The following SASH1 variants were observed in gnomAD, a reference collection of about 807,000 sequenced individuals.
The protein encoded by SASH1 is SAM and SH3 domain-containing protein 1.
A neutral mutation model predicts 125.2 loss-of-function variants in SASH1; 44 were observed. The ratio of observed to expected loss-of-function variants is 0.35; its 90% CI spans 0.28 to 0.45. The LOEUF is 0.45. Among genes scored for constraint, SASH1 ranks in the 20% least tolerant of loss-of-function variants. The pLI, the probability that SASH1 is intolerant of heterozygous loss-of-function variation, is 1.00. For missense variants in SASH1, 1,426 were observed against 1,614.5 expected (o/e 0.88, Z 2.00); for synonymous variants, 639 against 649.1 (o/e 0.98, Z 0.24).
intron 8 of SASH1, among the ~76,000 whole-genome samples, chr6:148,492,159 T>C (rs1397251837): frequency 6.6e-6 from 1 of 152,192 alleles, no homozygotes; most frequent in Non-Finnish European, 1.5e-5. Flanking sequence ...AACAGGACTG[T>C]AGTAAAACCT....
chr6:148,425,718 C>CCCCT (rs1775787124), intron 2 of SASH1, among the ~76,000 whole-genome samples: 1 of 118,706 alleles, frequency 8.4e-6, no homozygotes, highest in Non-Finnish European at 1.9e-5. Flanking sequence ...TCCCATCCCC[C>CCCCT]TCTCCCTTCC....
rs1455416771 is a variant in SASH1, at chr6:148,343,125, G to T, written c.58G>T (p.Glu20Ter). 2 of 1,594,186 alleles carry T rather than the reference G, an allele frequency of 1.3e-6. No homozygotes were observed. Among genetic ancestry groups the T allele is most frequent in the Admixed American group, 1.7e-5 (1 of 59,432 alleles). Residue 20 changes from glutamate (E) to a stop codon, truncating the protein, a stop_gained, in exon 1 of 20, where the codon GAG becomes TAG. Transcript: ENST00000367467. LOFTEE classifies it high-confidence loss of function. ...GGAGCCTGAGCCCGAGCCCGAGCCG[G>T]AGCCCGAGCCCGCGCCGGAGCCGGA... ...GPEPEPEPEP[E>*]PEPAPEPEPE...
chr6:148,219,624 C>T, the SASH1 span, among the ~76,000 whole-genome samples: 3 of 152,216 alleles, frequency 2.0e-5, no homozygotes, highest in Non-Finnish European at 4.4e-5. Flanking sequence ...AGGGGACCCT[C>T]CTCTGGCCTT....
intron 2 of SASH1, among the ~76,000 whole-genome samples, chr6:148,415,879 G>A (rs918860320): frequency 6.6e-6 from 1 of 152,232 alleles, no homozygotes; most frequent in South Asian, 2.1e-4. Flanking sequence ...GCAAGAGGAA[G>A]CTCTTTTAAA....
intron 1 of SASH1, among the ~76,000 whole-genome samples, chr6:148,287,969 G>T (rs748878304): frequency 1.8e-4 from 27 of 152,186 alleles, no homozygotes; most frequent in Non-Finnish European, 3.5e-4. Flanking sequence ...TGTAAGAAAT[G>T]CTCACATCTG....
intron 2 of SASH1, among the ~76,000 whole-genome samples, chr6:148,415,074 G>C (rs1360246305): frequency 6.6e-6 from 1 of 152,170 alleles, no homozygotes; most frequent in African/African-American, 2.4e-5. Context: ...CGACTTCACA[G>C]AGTGCACAGT....
the SASH1 span, among the ~76,000 whole-genome samples, chr6:148,243,433 A>G: frequency 1.4e-5 from 2 of 146,506 alleles, no homozygotes; most frequent in African/African-American, 2.5e-5. Flanking sequence ...CTGGGCAACA[A>G]GAGCAAAATT....
chr6:148,514,360 G>C lies in SASH1; in HGVS notation c.766G>C (p.Val256Leu), dbSNP rs765513598. The C allele has an allele frequency of 3.9e-5, 62 of 1,603,642 alleles. No individual in the cohort carries two copies. Among genetic ancestry groups the C allele is most frequent in the Non-Finnish European group, 5.0e-5 (59 of 1,174,252 alleles). ...ATCGGATGATGAGACTGAGGAGTCG[G>C]TGAAGTTTAAGAGGTTACACAAGCT... Reference protein sequence around the residue: ...EQSDDETEESVKFKRLHKLVN... With the variant: ...EQSDDETEESLKFKRLHKLVN... Residue 256 changes from valine (V) to leucine (L), a missense_variant, in exon 9 of 20, where the codon GTG becomes CTG. Coordinates refer to ENST00000367467, the MANE Select transcript of SASH1 (RefSeq NM_015278.5).
chr6:148,471,885 C>G (rs1018948333), intron 6 of SASH1, among the ~76,000 whole-genome samples: 2 of 152,200 alleles, frequency 1.3e-5, no homozygotes, highest in Non-Finnish European at 2.9e-5. Flanking sequence ...CGCGTTCCCA[C>G]TGAGATCCTT....
intron 2 of SASH1, among the ~76,000 whole-genome samples, chr6:148,425,684 C>T (rs953236033): frequency 3.0e-5 from 4 of 132,522 alleles, no homozygotes; most frequent in African/African-American, 8.5e-5. Context: ...TCTCTTTCCC[C>T]TCCCCTCCCC....
chr6:148,485,315 A>G (rs1462406838), intron 7 of SASH1, among the ~76,000 whole-genome samples: 1 of 152,224 alleles, frequency 6.6e-6, no homozygotes, highest in East Asian at 1.9e-4. Flanking sequence ...CCTAGTGTAT[A>G]ACATAATGTA....
chr6:148,410,331 G>A (rs9322148), intron 2 of SASH1, among the ~76,000 whole-genome samples: 17,003 of 151,618 alleles, frequency 0.11, 1,179 homozygotes, highest in Admixed American at 0.21. Context: ...GGCTGGTCTC[G>A]AACCCCTGAC....
chr6:148,368,760 G>GCA (rs1391322609), intron 1 of SASH1, among the ~76,000 whole-genome samples: 1 of 14,930 alleles, frequency 6.7e-5, no homozygotes, highest in African/African-American at 2.1e-4. Context: ...ACATGCGCGC[G>GCA]CACGCGCGCG....
chr6:148,461,387 G>A (rs989438952), intron 4 of SASH1, among the ~76,000 whole-genome samples: 4 of 152,198 alleles, frequency 2.6e-5, no homozygotes, highest in African/African-American at 9.7e-5. Flanking sequence ...GTTTTGACCG[G>A]CTTGACAAAA....
In SASH1 at chr6:148,551,958, CGGAA is replaced by C. The variant is rs950284836; in HGVS notation, c.*3403_*3406del. On this transcript the variant is annotated 3_prime_UTR_variant, in exon 20 of 20. Transcript: ENST00000367467. The stretch of plus-strand genomic sequence containing the variant: ...TTCATTTAGCATAAAGAGAGGTGGA[CGGAA>C]GGGTTTTCCTATGTATCAAAACTTG... The C allele has an allele frequency of 8.5e-5, 13 of 152,494 alleles. No homozygotes were observed. Among genetic ancestry groups the C allele is most frequent in the African/African-American group, 2.9e-4 (12 of 41,416 alleles). 9.4% of individuals were successfully genotyped at this position (152,494 alleles called of 1,614,324 possible). A position where few individuals can be genotyped will look rare whatever the true frequency, so the allele number is the denominator to read the frequency against.
chr6:148,519,202 G>C lies in SASH1; in HGVS notation c.863-345G>C, dbSNP rs1780646222. 6.6e-6 allele frequency among the ~76,000 whole-genome samples: 1 copy of C among 152,244 alleles called. No individual in the cohort carries two copies. The highest frequency in any genetic ancestry group is 6.5e-5 in the Admixed American group (1 of 15,294). On this transcript the variant is annotated intron_variant, in intron 9 of 19. Transcript: ENST00000367467. The surrounding 1 kb of genome is among the most constrained non-coding windows in gnomAD (Gnocchi z 4.8). ...GGAAAGATCCTGATTCCTAGTTTCAGAGGGTTGCATTTACAAACTGCAGAG... is the reference window on the plus strand; with the variant it reads ...GGAAAGATCCTGATTCCTAGTTTCACAGGGTTGCATTTACAAACTGCAGAG...
intron 16 of SASH1, among the ~76,000 whole-genome samples, chr6:148,538,212 G>A (rs1040190219): frequency 1.3e-5 from 2 of 152,082 alleles, no homozygotes; most frequent in Non-Finnish European, 2.9e-5. Flanking sequence ...TGAGGCTGGG[G>A]TCCCCAAAGA....
intron 1 of SASH1, among the ~76,000 whole-genome samples, chr6:148,361,976 C>T (rs375759905): frequency 7.6e-5 from 11 of 145,386 alleles, no homozygotes; most frequent in South Asian, 2.2e-4. Flanking sequence ...TGCAGTGGCG[C>T]GATCTCGGCT....
chr6:148,548,705 C>A lies in SASH1; in HGVS notation c.*147C>A, dbSNP rs1782716057. 5.5e-6 allele frequency: 5 copies of A among 904,616 alleles called. No homozygotes were observed. Among genetic ancestry groups the A allele is most frequent in the African/African-American group, 5.0e-5 (3 of 59,882 alleles). The allele number at this position is 904,616 out of a possible 1,614,324, so 56.0% of individuals were successfully genotyped here. A position where few individuals can be genotyped will look rare whatever the true frequency, so the allele number is the denominator to read the frequency against. On this transcript the variant is annotated 3_prime_UTR_variant, in exon 20 of 20. Transcript: ENST00000367467. ...GGCCAAACAGCGTGAAACCTTGGCA[C>A]AGGACTGAGGATCCTCTCCTCCAGA...
Sources: gnomAD v4.1 joint callset for allele counts (sites outside exome capture counted in the v4.1 genomes callset) on GRCh38, gnomAD v4.1.1 for gene constraint, Gnocchi (gnomAD v3.1) non-coding constraint, MANE v1.5 for transcripts, NCBI Gene and HGNC (gene_info 2026-07-23, HGNC 2026-07-21) for gene names.